Variants in LRBA observed in about 807,000 individuals in gnomAD.
LRBA encodes lipopolysaccharide-responsive and beige-like anchor protein.
A neutral mutation model predicts 330.0 loss-of-function variants in LRBA; 176 were observed. That is an observed-to-expected ratio of 0.53 (90% confidence interval 0.47 to 0.60). LRBA has a LOEUF of 0.60. Among genes scored for constraint, LRBA ranks in the 20% least tolerant of loss-of-function variants. The pLI, the probability that LRBA is intolerant of heterozygous loss-of-function variation, is 0.00. For missense variants in LRBA, 3,259 were observed against 3,444.8 expected (o/e 0.95, Z 1.35); for synonymous variants, 1,230 against 1,193.0 (o/e 1.03, Z -0.64).
intron 37 of LRBA, among the ~76,000 whole-genome samples, chr4:150,624,358 ACT>A (rs1263552164): frequency 2.0e-5 from 3 of 150,772 alleles, no homozygotes; most frequent in Non-Finnish European, 2.9e-5. Context: ...GGAGTGAGAG[ACT>A]CTGTCTCAAA....
chr4:150,886,696 C>T (rs547921621), intron 17 of LRBA, among the ~76,000 whole-genome samples: 2 of 152,274 alleles, frequency 1.3e-5, no homozygotes, highest in South Asian at 2.1e-4. Flanking sequence ...CCCACCCTTA[C>T]CAGGTTGTCT....
At chr4:150,958,744 A>G (rs1368673140) in intron 2 of LRBA, among the ~76,000 whole-genome samples, 2 of 149,004 alleles carry the variant, frequency 1.3e-5, no homozygotes, top group Non-Finnish European at 2.9e-5. Flanking sequence ...ACAGACCTCT[A>G]GGGCAAGGGT....
intron 36 of LRBA, among the ~76,000 whole-genome samples, chr4:150,700,653 A>T (rs903896394): frequency 2.0e-5 from 3 of 152,144 alleles, no homozygotes; most frequent in Non-Finnish European, 2.9e-5. Flanking sequence ...TAAACTTAAA[A>T]TTTTTTAAAA....
intron 36 of LRBA, among the ~76,000 whole-genome samples, chr4:150,696,513 T>C (rs758343097): frequency 2.6e-4 from 40 of 152,180 alleles, no homozygotes; most frequent in Non-Finnish European, 4.6e-4. Flanking sequence ...TTGCCAGTCA[T>C]ATAAAGGTAA....
At chr4:150,840,874 A>C (rs1748970159) in intron 28 of LRBA, 1 of 980,096 alleles carries the variant, frequency 1.0e-6, no homozygotes, top group Admixed American at 4.6e-5. Context: ...ACTAATGGTA[A>C]AAATGAGACT....
chr4:150,867,844 C>G lies in LRBA; in HGVS notation c.2593G>C (p.Val865Leu), dbSNP rs1752921285. 1 of 1,611,862 alleles carries G rather than the reference C, an allele frequency of 6.2e-7. No homozygotes were observed. The change falls in exon 22 of 57, where the codon GTG (valine) becomes CTG (leucine). Residue 865 changes from valine (V) to leucine (L), a missense_variant. Transcript: ENST00000651943. ...ENRRSLLQCSVWQEWMLSLCY... is the reference protein window; with the variant it reads ...ENRRSLLQCSLWQEWMLSLCY... ...AGAGAAAGCATCCATTCTTGCCACACAGAGCATTGTAGCAAGCTCCTGAAA... is the reference window on the plus strand; with the variant it reads ...AGAGAAAGCATCCATTCTTGCCACAGAGAGCATTGTAGCAAGCTCCTGAAA...
intron 2 of LRBA, among the ~76,000 whole-genome samples, chr4:150,933,570 T>C (rs1446053550): frequency 6.6e-6 from 1 of 152,124 alleles, no homozygotes; most frequent in Non-Finnish European, 1.5e-5. Context: ...GTGCTAAATA[T>C]GTCTAAGAAT....
chr4:150,537,936 C>G (rs2152216411), intron 40 of LRBA, among the ~76,000 whole-genome samples: 1 of 152,028 alleles, frequency 6.6e-6, no homozygotes, highest in East Asian at 1.9e-4. Flanking sequence ...GCCTGGGTGA[C>G]AGAGCGAGAC....
Position 150,955,946 on chromosome 4 carries a change from T to C in LRBA, c.217-26881A>G, listed in dbSNP as rs576174192. On this transcript the variant is annotated intron_variant, in intron 2 of 56. Transcript: ENST00000651943. Reference sequence around the variant, plus strand: ...TCTTAAACCCTACAAAAGAAGCGCATAGTAAACCTAAAGCAAGCAAAAGGA... The same window carrying C: ...TCTTAAACCCTACAAAAGAAGCGCACAGTAAACCTAAAGCAAGCAAAAGGA... 4.7e-5 allele frequency among the ~76,000 whole-genome samples: 7 copies of C among 148,856 alleles called. 1 individual carries two copies. The highest frequency in any genetic ancestry group is 1.8e-4 in the African/African-American group (7 of 38,390).
chr4:150,703,453 T>A (rs1220262313), intron 36 of LRBA, among the ~76,000 whole-genome samples: 1 of 152,234 alleles, frequency 6.6e-6, no homozygotes, highest in Non-Finnish European at 1.5e-5. Context: ...CAGCAATTCT[T>A]TGGGAGCTTC....
At position 150,264,928 on chromosome 4, in the gene LRBA, G is replaced by GCTC. The variant is rs1745117284; in HGVS notation, c.*791_*793dup. On this transcript the variant is annotated 3_prime_UTR_variant, in exon 57 of 57. Transcript: ENST00000651943. ...GGGGTGCCCCAACAAAACAACAGTG[G>GCTC]CTCCGCCTCATTGTCCAGGCACAGG... The GCTC allele has an allele frequency of 6.6e-6, 1 of 152,468 alleles. No homozygotes were observed. The highest frequency in any genetic ancestry group is 2.4e-5 in the African/African-American group (1 of 41,346). 9.4% of individuals were successfully genotyped at this position (152,468 alleles called of 1,614,324 possible).
At chr4:150,808,257 T>C in intron 32 of LRBA, 63 bp downstream of exon 32, 2 of 1,027,150 alleles carry the variant, frequency 1.9e-6, no homozygotes, top group African/African-American at 1.6e-5. Context: ...AAAATAAACC[T>C]AGATAGCTTA....
chr4:150,714,505 G>T (rs1374781608), intron 36 of LRBA, among the ~76,000 whole-genome samples: 2 of 151,998 alleles, frequency 1.3e-5, no homozygotes, highest in African/African-American at 4.8e-5. Context: ...TACAAGAAAA[G>T]ATTCCAATCT....
intron 37 of LRBA, among the ~76,000 whole-genome samples, chr4:150,668,888 G>A (rs1283672019): frequency 2.6e-5 from 4 of 151,834 alleles, no homozygotes; most frequent in African/African-American, 4.8e-5. Context: ...GAGTATGTAA[G>A]TGGCTGTGTA....
At chr4:150,831,282 T>C (rs1211331424) in intron 29 of LRBA, among the ~76,000 whole-genome samples, 1 of 151,748 alleles carries the variant, frequency 6.6e-6, no homozygotes, top group Non-Finnish European at 1.5e-5. Context: ...TTCTATCTCC[T>C]CCCATTAGAA....
chr4:150,446,969 A>G (rs955453817), intron 44 of LRBA, among the ~76,000 whole-genome samples: 4 of 152,160 alleles, frequency 2.6e-5, no homozygotes, highest in Non-Finnish European at 5.9e-5. Flanking sequence ...TAGTCATTTA[A>G]TTGTAGTACA....
In LRBA at chr4:150,282,444, A is replaced by G. The variant is rs774362118; in HGVS notation, c.8316+6T>C. ...GTGAATGCTGAAGAGTCCCCAGGGC[A>G]CTCACTCTTATGTTATCATCTGTTT... On this transcript the variant is annotated splice_donor_region_variant and intron_variant, in intron 55 of 56. Transcript: ENST00000651943. The G allele has an allele frequency of 6.2e-7, 1 of 1,612,768 alleles. No individual in the cohort carries two copies. Among genetic ancestry groups the G allele is most frequent in the Non-Finnish European group, 8.5e-7 (1 of 1,179,248 alleles).
chr4:150,316,499 T>C (rs1414057778), intron 50 of LRBA, among the ~76,000 whole-genome samples: 1 of 152,148 alleles, frequency 6.6e-6, no homozygotes, highest in Non-Finnish European at 1.5e-5. Flanking sequence ...GGGTTCAGAA[T>C]AGATTATCTT....
chr4:150,981,682 C>T (rs10034173), intron 2 of LRBA, among the ~76,000 whole-genome samples: 116,455 of 151,954 alleles, frequency 0.77, 48,985 homozygotes, highest in Non-Finnish European at 0.95. Context: ...CATTGGGGGC[C>T]GGACACGGTG....
Sources: gnomAD v4.1 joint callset for allele counts (sites outside exome capture counted in the v4.1 genomes callset) on GRCh38, gnomAD v4.1.1 for gene constraint, MANE v1.5 for transcripts, NCBI Gene and HGNC (gene_info 2026-07-23, HGNC 2026-07-21) for gene names.